Variants in TCFL5 observed in about 807,000 individuals in gnomAD.
TCFL5 encodes transcription factor like 5, also known as transcription factor-like 5 protein.
Under a neutral mutation model 44.3 loss-of-function variants are expected in TCFL5, and 9 were observed. That is an observed-to-expected ratio of 0.20 (90% CI 0.12 to 0.35). TCFL5 has a LOEUF of 0.35. TCFL5 is among the 10% of genes least tolerant of loss of function. The pLI is 1.00. For synonymous variants in TCFL5, 319 were observed against 271.6 expected (o/e 1.17, Z -1.72); for missense variants, 603 against 613.4 (o/e 0.98, Z 0.18).
At chr20:62,853,936 G>A (rs997738089) in intron 5 of TCFL5, 80 bp downstream of exon 5, 1 of 1,471,778 alleles carries the variant, frequency 6.8e-7, no homozygotes. Flanking sequence ...AGGATAGTTT[G>A]AGTTATCCTT....
At chr20:62,844,094 G>A (rs1600822787) in intron 5 of TCFL5, among the ~76,000 whole-genome samples, 2 of 152,250 alleles carry the variant, frequency 1.3e-5, no homozygotes, top group South Asian at 4.1e-4. Flanking sequence ...CACCTCTTTG[G>A]GGTTTATGCT....
At position 62,842,221 on chromosome 20, in the gene TCFL5, G is replaced by T; in HGVS notation, c.1381-124C>A. 8.0e-7 allele frequency: 1 copy of T among 1,246,238 alleles called. No homozygotes were observed. Among genetic ancestry groups the T allele is most frequent in the East Asian group, 2.5e-5 (1 of 39,794 alleles). The allele number at this position is 1,246,238 out of a possible 1,614,324, so 77.2% of individuals were successfully genotyped here. ...ACTTTAGAATACGCTGTTTTAAGGT[G>T]TCATTCACAAACTTGTGTCTTACCT... On this transcript the variant is annotated intron_variant, in intron 5 of 5. Coordinates refer to ENST00000335351, the MANE Select transcript of TCFL5 (RefSeq NM_006602.4). This position sits in a 1 kb window ranked among gnomAD's most constrained non-coding sequence, Gnocchi z 4.3.
intron 5 of TCFL5, chr20:62,845,543 G>C (rs2063730594): frequency 6.9e-7 from 1 of 1,459,178 alleles, no homozygotes; most frequent in Non-Finnish European, 9.1e-7. Flanking sequence ...TGGCAAGATA[G>C]AATTCACCTT....
At chr20:62,858,364 G>T (rs967460163) in intron 3 of TCFL5, among the ~76,000 whole-genome samples, 34 of 152,106 alleles carry the variant, frequency 2.2e-4, no homozygotes, top group African/African-American at 7.0e-4. Context: ...CAGCAGGAGA[G>T]AGAGGAATTC....
chr20:62,856,926 C>G (rs552177635), intron 4 of TCFL5, among the ~76,000 whole-genome samples: 1 of 152,188 alleles, frequency 6.6e-6, no homozygotes, highest in Non-Finnish European at 1.5e-5. Context: ...TGCTTTCCTT[C>G]TGGGAGACTG....
intron 4 of TCFL5, among the ~76,000 whole-genome samples, chr20:62,855,353 G>A (rs2147276153): frequency 6.6e-6 from 1 of 152,248 alleles, no homozygotes; most frequent in South Asian, 2.1e-4. Context: ...TTTAGAGACG[G>A]GGACTTGCTA....
intron 5 of TCFL5, chr20:62,845,920 T>C (rs2063736907): frequency 6.6e-7 from 1 of 1,508,400 alleles, no homozygotes; most frequent in African/African-American, 1.4e-5. Context: ...TAAGGAAGCC[T>C]TCAGGAATCC....
At chr20:62,859,629 G>T in intron 2 of TCFL5, 103 bp from the exon 3 acceptor site, 1 of 1,042,798 alleles carries the variant, frequency 9.6e-7, no homozygotes, top group African/African-American at 1.7e-5. Flanking sequence ...CTACTAACAC[G>T]TAATTTGAAG....
intron 3 of TCFL5, among the ~76,000 whole-genome samples, chr20:62,858,364 G>C (rs967460163): frequency 6.6e-6 from 1 of 152,106 alleles, no homozygotes. Flanking sequence ...CAGCAGGAGA[G>C]AGAGGAATTC....
At chr20:62,846,046 T>C (rs1218835403) in intron 5 of TCFL5, 9 of 1,346,170 alleles carry the variant, frequency 6.7e-6, no homozygotes, top group Non-Finnish European at 6.9e-6. Flanking sequence ...GTGGATTCTT[T>C]CCATCAACTG....
Position 62,842,128 on chromosome 20 carries a change from G to C in TCFL5, c.1381-31C>G, listed in dbSNP as rs746075316. 5.9e-5 allele frequency: 95 copies of C among 1,612,314 alleles called. 1 individual carries two copies. The Middle Eastern group carries it at 8.2e-4, about 14-fold the overall frequency. Reference sequence around the variant, plus strand: ...GTGAAGAAGTGACGGTTAACATACTGAATTAACTGACATGAAAACTGCTGT... The same window carrying C: ...GTGAAGAAGTGACGGTTAACATACTCAATTAACTGACATGAAAACTGCTGT... On this transcript the variant is annotated intron_variant, in intron 5 of 5. Coordinates refer to ENST00000335351, the MANE Select transcript of TCFL5 (RefSeq NM_006602.4). The surrounding 1 kb of genome is among the most constrained non-coding windows in gnomAD (Gnocchi z 4.3).
intron 5 of TCFL5, among the ~76,000 whole-genome samples, chr20:62,848,574 C>A (rs1379736169): frequency 6.6e-6 from 1 of 151,530 alleles, no homozygotes; most frequent in African/African-American, 2.4e-5. Flanking sequence ...ACTGTCTCTA[C>A]TAAAAATACA....
chr20:62,853,448 T>G (rs987272509), intron 5 of TCFL5, among the ~76,000 whole-genome samples: 1 of 152,114 alleles, frequency 6.6e-6, no homozygotes, highest in Non-Finnish European at 1.5e-5. Flanking sequence ...CCTGGCTCAA[T>G]TGATCCTCCC....
chr20:62,854,975 G>A (rs1389521213), intron 4 of TCFL5, among the ~76,000 whole-genome samples: 2 of 152,198 alleles, frequency 1.3e-5, no homozygotes, highest in South Asian at 2.1e-4. Context: ...CTACGCAGTA[G>A]AGCTAGAAGT....
At chr20:62,860,806 G>A (rs552164165) in intron 1 of TCFL5, among the ~76,000 whole-genome samples, 3 of 152,332 alleles carry the variant, frequency 2.0e-5, no homozygotes, top group African/African-American at 7.2e-5. Flanking sequence ...ACTGAGGGAG[G>A]GGGTGTTTAG....
intron 5 of TCFL5, chr20:62,845,775 G>A: frequency 6.2e-7 from 1 of 1,605,922 alleles, no homozygotes; most frequent in Non-Finnish European, 8.5e-7. Flanking sequence ...CACCAAGGAA[G>A]AGCTGGAGAA....
chr20:62,846,655 A>G (rs2063746649), intron 5 of TCFL5, among the ~76,000 whole-genome samples: 1 of 151,734 alleles, frequency 6.6e-6, no homozygotes, highest in Non-Finnish European at 1.5e-5. Context: ...GGTCCTAGCT[A>G]CTCGGGAGGC....
intron 5 of TCFL5, among the ~76,000 whole-genome samples, chr20:62,849,151 C>T (rs1033370735): frequency 6.6e-6 from 1 of 150,632 alleles, no homozygotes; most frequent in African/African-American, 2.4e-5. Context: ...GGCAACAGAG[C>T]GAGACGCCGT....
At position 62,861,790 on chromosome 20, in the gene TCFL5, G is replaced by T; in HGVS notation, c.-120C>A. On this transcript the variant is annotated 5_prime_UTR_variant, in exon 1 of 6. Coordinates refer to ENST00000335351, the MANE Select transcript of TCFL5 (RefSeq NM_006602.4). This position sits in a 1 kb window ranked among gnomAD's most constrained non-coding sequence, Gnocchi z 4.0. Reference sequence around the variant, plus strand: ...GCACTACTCTGCGCCGGCCACAGCCGGCGCGCCGTTGGGGGAGGGAAAACC... The same window carrying T: ...GCACTACTCTGCGCCGGCCACAGCCTGCGCGCCGTTGGGGGAGGGAAAACC... 1 of 145,458 alleles carries T rather than the reference G, an allele frequency of 6.9e-6. No individual in the cohort carries two copies. The highest frequency in any genetic ancestry group is 2.0e-4 in the South Asian group (1 of 5,056). 9.0% of individuals were successfully genotyped at this position (145,458 alleles called of 1,614,324 possible).
Sources: gnomAD v4.1 joint callset for allele counts (sites outside exome capture counted in the v4.1 genomes callset) on GRCh38, gnomAD v4.1.1 for gene constraint, Gnocchi (gnomAD v3.1) non-coding constraint, MANE v1.5 for transcripts, NCBI Gene and HGNC (gene_info 2026-07-23, HGNC 2026-07-21) for gene names.